Variants in ZFP90 observed in about 807,000 individuals in gnomAD.
ZFP90 encodes the protein ZFP90 zinc finger protein.
In ZFP90, 38 loss-of-function variants were observed where a neutral mutation model predicts 60.8. That is an observed-to-expected ratio of 0.62 (90% CI 0.48 to 0.82). The LOEUF is 0.82. Ranked by LOEUF, ZFP90 falls within the 40% of genes least tolerant of loss-of-function variation. The pLI is 0.00. For missense variants in ZFP90, 711 were observed against 759.1 expected (o/e 0.94, Z 0.74); for synonymous variants, 287 against 264.8 (o/e 1.08, Z -0.82).
At chr16:68,554,182 T>TGG (rs1467543328) in intron 2 of ZFP90, among the ~76,000 whole-genome samples, 13 of 151,002 alleles carry the variant, frequency 8.6e-5, no homozygotes, top group African/African-American at 3.2e-4. Context: ...AGTGCAGTGG[T>TGG]GGTGTCTCGG....
chr16:68,557,268 C>T (rs980077903), intron 2 of ZFP90: 1 of 455,876 alleles, frequency 2.2e-6, no homozygotes, highest in African/African-American at 2.0e-5. Context: ...CCGGCCTTGA[C>T]CTCTCAAAGT....
chr16:68,573,035 G>C (rs962648393), intron 2 of ZFP90, among the ~76,000 whole-genome samples: 1 of 152,170 alleles, frequency 6.6e-6, no homozygotes, highest in Non-Finnish European at 1.5e-5. Context: ...TCCTGGATAG[G>C]GTGTCCTTAT....
At chr16:68,575,437 G>A (rs2091588971) in intron 2 of ZFP90, among the ~76,000 whole-genome samples, 1 of 148,170 alleles carries the variant, frequency 6.7e-6, no homozygotes, top group Non-Finnish European at 1.5e-5. Flanking sequence ...ATGTAAGGGT[G>A]GTCCCCCACC....
intron 2 of ZFP90, 135 bp from the exon 3 acceptor site, chr16:68,557,863 T>C: frequency 4.9e-6 from 6 of 1,225,204 alleles, no homozygotes; most frequent in Non-Finnish European, 7.0e-6. Flanking sequence ...AATAAGTTTA[T>C]GTAACCCAAC....
intron 2 of ZFP90, among the ~76,000 whole-genome samples, chr16:68,547,426 A>G (rs138217976): frequency 6.6e-6 from 1 of 152,122 alleles, no homozygotes; most frequent in East Asian, 1.9e-4. Flanking sequence ...ACATTTTTGA[A>G]TTGTTTTTTG....
chr16:68,535,909 C>T (rs2090957301), upstream of ZFP90, among the ~76,000 whole-genome samples: 2 of 152,122 alleles, frequency 1.3e-5, no homozygotes, highest in African/African-American at 4.8e-5. Flanking sequence ...TCTGTGAGTT[C>T]CTTAAAGGAA....
rs10538200 is a variant in ZFP90 at position 68,551,415 on chromosome 16, C to CTTTT, written c.34-6563_34-6560dup. Among the ~76,000 whole-genome samples, 17 of 123,024 alleles carry CTTTT rather than the reference C, an allele frequency of 1.4e-4. 4 individuals are homozygous for CTTTT. The highest frequency in any genetic ancestry group is 1.6e-4 in the African/African-American group (5 of 31,728). The allele number at this position is 123,024 out of a possible 152,430, so 80.7% of individuals were successfully genotyped here. A position where few individuals can be genotyped will look rare whatever the true frequency, so the allele number is the denominator to read the frequency against. ...GCATAAGGAAAGGGAACATGTGATC[C>CTTTT]TTTTTTTTTTTTTTTTTTTTTTTGG... On this transcript the variant is annotated intron_variant, in intron 2 of 4. Transcript: ENST00000563169.
intron 2 of ZFP90, among the ~76,000 whole-genome samples, chr16:68,542,107 T>G (rs761827101): frequency 1.9e-4 from 29 of 152,224 alleles, no homozygotes; most frequent in African/African-American, 5.8e-4. Context: ...ATGCAAAGAT[T>G]AGTAATGAGT....
At chr16:68,536,253 C>T (rs1388345631), upstream of ZFP90, among the ~76,000 whole-genome samples, 1 of 152,120 alleles carries the variant, frequency 6.6e-6, no homozygotes, top group Non-Finnish European at 1.5e-5. Context: ...CAAGTAGGAG[C>T]GGTGGTGAAC....
chr16:68,538,480 T>C (rs1306023160), upstream of ZFP90, among the ~76,000 whole-genome samples: 1 of 152,032 alleles, frequency 6.6e-6, no homozygotes, highest in Non-Finnish European at 1.5e-5. Flanking sequence ...CCCAGCACTT[T>C]GGGAGGCCGA....
At position 68,567,024 on chromosome 16, in the gene ZFP90, C is replaced by T. The variant is rs534812400; in HGVS notation, c.*2326C>T. 2.0e-6 allele frequency: 2 copies of T among 985,570 alleles called. No individual in the cohort carries two copies. Among genetic ancestry groups the T allele is most frequent in the South Asian group, 9.4e-5 (2 of 21,292 alleles). 61.1% of individuals were successfully genotyped at this position (985,570 alleles called of 1,614,324 possible). On this transcript the variant is annotated 3_prime_UTR_variant, in exon 5 of 5. Transcript: ENST00000563169. ...ATTGACCAGAAGGCTTTCTTAGTCC[C>T]AACAGCCATGAACCATGCACTTATG...
At chr16:68,539,568 C>T (rs949761601) in intron 1 of ZFP90, 89 bp downstream of exon 1, 7 of 541,428 alleles carry the variant, frequency 1.3e-5, no homozygotes, top group Non-Finnish European at 2.2e-5. Context: ...TGGGCGTGGC[C>T]GGAGGGGGGT....
chr16:68,570,483 G>A (rs927987876), downstream of ZFP90, among the ~76,000 whole-genome samples: 1 of 152,248 alleles, frequency 6.6e-6, no homozygotes, highest in Non-Finnish European at 1.5e-5. Context: ...AAATCAAGGG[G>A]AGGGTTATGC....
chr16:68,557,409 A>G (rs777299353), intron 2 of ZFP90: 5 of 373,068 alleles, frequency 1.3e-5, no homozygotes, highest in South Asian at 3.9e-5. Context: ...AAGCAGTTCA[A>G]TAAGGTGCAA....
intron 4 of ZFP90, among the ~76,000 whole-genome samples, chr16:68,559,927 G>A (rs2091410807): frequency 6.6e-6 from 1 of 152,056 alleles, no homozygotes; most frequent in South Asian, 2.1e-4. Flanking sequence ...GCAGTGCAGT[G>A]TCTCTATCAC....
At chr16:68,536,574 A>AATT (rs2090962213), upstream of ZFP90, among the ~76,000 whole-genome samples, 1 of 152,024 alleles carries the variant, frequency 6.6e-6, no homozygotes, top group South Asian at 2.1e-4. Flanking sequence ...AAAGTGTGGG[A>AATT]ATTATAGGCC....
At chr16:68,558,656 C>G in intron 4 of ZFP90, 88 bp downstream of exon 4, 1 of 1,200,686 alleles carries the variant, frequency 8.3e-7, no homozygotes, top group Non-Finnish European at 1.2e-6. Context: ...AGCTGGCTTG[C>G]GATCTCCTAG....
upstream of ZFP90, chr16:68,535,766 T>A (rs533267355): frequency 2.0e-5 from 3 of 152,286 alleles, no homozygotes; most frequent in African/African-American, 7.2e-5. Context: ...CTAAGTTTAT[T>A]CATTTTGTTT....
intron 2 of ZFP90, among the ~76,000 whole-genome samples, chr16:68,541,593 G>C (rs150259341): frequency 6.6e-6 from 1 of 151,972 alleles, no homozygotes; most frequent in African/African-American, 2.4e-5. Flanking sequence ...CACCGGGCCC[G>C]GCCTGCGTTT....
Sources: gnomAD v4.1 joint callset for allele counts (sites outside exome capture counted in the v4.1 genomes callset) on GRCh38, gnomAD v4.1.1 for gene constraint, MANE v1.5 for transcripts, NCBI Gene and HGNC (gene_info 2026-07-23, HGNC 2026-07-21) for gene names.